MITF: variants seen among roughly 807,000 people sequenced by gnomAD.
MITF encodes the protein melanocyte inducing transcription factor, also known as microphthalmia-associated transcription factor.
MITF carries 17 observed loss-of-function variants against 60.5 expected under a neutral mutation model. The ratio of observed to expected loss-of-function variants is 0.28; its 90% CI spans 0.19 to 0.42. MITF has a LOEUF of 0.42. Among genes scored for constraint, MITF ranks in the 10% least tolerant of loss-of-function variants. The probability of loss-of-function intolerance (pLI) is 1.00; values close to 1 mark genes in which losing one functional copy is unlikely to be tolerated. For synonymous variants in MITF, 260 were observed against 248.5 expected (o/e 1.05, Z -0.43); for missense variants, 622 against 683.5 (o/e 0.91, Z 1.00).
At chr3:69,933,731 T>C (rs1294692808) in intron 2 of MITF, among the ~76,000 whole-genome samples, 2 of 152,230 alleles carry the variant, frequency 1.3e-5, no homozygotes, top group Non-Finnish European at 2.9e-5. Flanking sequence ...TTTTGCTATC[T>C]GAATTTCTTA....
intron 2 of MITF, 142 bp from the exon 3 acceptor site, chr3:69,937,680 C>T (rs1174186683): frequency 2.7e-6 from 2 of 743,272 alleles, no homozygotes; most frequent in Non-Finnish European, 4.8e-6. Context: ...AATCCGTTAG[C>T]ACAGTGCCTG....
Position 69,967,949 on chromosome 3 carries a change from A to T in MITF, c.*2701A>T, listed in dbSNP as rs1185602351. ...AAATACCAAACCTTCTGACTTTGCC[A>T]AAAAGCATACAAGCAACCTGGTCAT... On this transcript the variant is annotated 3_prime_UTR_variant, in exon 10 of 10. Coordinates refer to ENST00000352241, the MANE Select transcript of MITF (RefSeq NM_001354604.2). The T allele has an allele frequency of 4.3e-6, 1 of 233,384 alleles. No individual in the cohort carries two copies. The highest frequency in any genetic ancestry group is 8.5e-6 in the Non-Finnish European group (1 of 117,934). 14.5% of individuals were successfully genotyped at this position (233,384 alleles called of 1,614,324 possible). A position where few individuals can be genotyped will look rare whatever the true frequency, so the allele number is the denominator to read the frequency against.
At chr3:69,964,714 T>C (rs2066639176) in intron 9 of MITF, 133 bp from the exon 10 acceptor site, 1 of 388,040 alleles carries the variant, frequency 2.6e-6, no homozygotes, top group Non-Finnish European at 4.2e-6. Flanking sequence ...TCTGGTATTG[T>C]ACATTTTGTG....
intron 9 of MITF, among the ~76,000 whole-genome samples, chr3:69,961,158 G>T (rs2066533376): frequency 6.6e-6 from 1 of 152,110 alleles, no homozygotes; most frequent in Non-Finnish European, 1.5e-5. Context: ...GCCAAGGCGG[G>T]TGGATCACAA....
chr3:69,956,575 C>A (rs775999305), intron 8 of MITF, 45 bp downstream of exon 8: 2 of 1,496,978 alleles, frequency 1.3e-6, no homozygotes, highest in African/African-American at 2.8e-5. Context: ...TTTTTCGTAC[C>A]TGAATGTTTT....
At chr3:69,830,114 G>A (rs761156551) in intron 1 of MITF, among the ~76,000 whole-genome samples, 2 of 152,184 alleles carry the variant, frequency 1.3e-5, no homozygotes, top group Non-Finnish European at 2.9e-5. Flanking sequence ...TTAGGGCAGT[G>A]TTTTGTGCAG....
chr3:69,919,070 A>G (rs1466387850), intron 2 of MITF, among the ~76,000 whole-genome samples: 1 of 152,214 alleles, frequency 6.6e-6, no homozygotes, highest in Non-Finnish European at 1.5e-5. Flanking sequence ...AAGCATATTC[A>G]GTGGTAAAGG....
At chr3:69,953,820 A>G (rs1159652451) in intron 7 of MITF, among the ~76,000 whole-genome samples, 2 of 151,960 alleles carry the variant, frequency 1.3e-5, no homozygotes, top group East Asian at 3.9e-4. Flanking sequence ...GTTAGGGGTC[A>G]TCTACCATGT....
At chr3:69,876,483 T>A (rs1018621695) in intron 1 of MITF, among the ~76,000 whole-genome samples, 3 of 152,050 alleles carry the variant, frequency 2.0e-5, no homozygotes, top group Non-Finnish European at 4.4e-5. Flanking sequence ...GAAGGTACAT[T>A]TGAGCTTTGA....
At chr3:69,830,905 A>G (rs2063436441) in intron 1 of MITF, among the ~76,000 whole-genome samples, 1 of 151,966 alleles carries the variant, frequency 6.6e-6, no homozygotes, top group African/African-American at 2.4e-5. Flanking sequence ...AAATATTCCC[A>G]TTATCCATTT....
At chr3:69,785,325 A>T (rs2062630997) in intron 1 of MITF, among the ~76,000 whole-genome samples, 1 of 152,096 alleles carries the variant, frequency 6.6e-6, no homozygotes, top group Non-Finnish European at 1.5e-5. Context: ...GCATTTACTG[A>T]TGCTTCCCAT....
At chr3:69,900,268 A>G (rs1455905908) in intron 2 of MITF, among the ~76,000 whole-genome samples, 1 of 152,128 alleles carries the variant, frequency 6.6e-6, no homozygotes, top group Non-Finnish European at 1.5e-5. Flanking sequence ...ACCCTGTTGC[A>G]GCCGGTTTAT....
In MITF at chr3:69,965,315, C is replaced by T. The variant is rs1433489363; in HGVS notation, c.*67C>T. The T allele has an allele frequency of 3.2e-6, 5 of 1,546,650 alleles. No individual in the cohort carries two copies. The highest frequency in any genetic ancestry group is 1.4e-5 in the African/African-American group (1 of 73,316). On this transcript the variant is annotated 3_prime_UTR_variant, in exon 10 of 10. Transcript: ENST00000352241. Reference sequence around the variant, plus strand: ...CTTGATTCGTAGATTTAATAACTTACCTGAAGGGGTTTTCTTGATAATTTT... The same window carrying T: ...CTTGATTCGTAGATTTAATAACTTATCTGAAGGGGTTTTCTTGATAATTTT...
chr3:69,849,720 C>G (rs1358853367), intron 1 of MITF, among the ~76,000 whole-genome samples: 1 of 152,206 alleles, frequency 6.6e-6, no homozygotes, highest in African/African-American at 2.4e-5. Flanking sequence ...AAGTAGGAAA[C>G]TCTTGCCTGG....
intron 1 of MITF, among the ~76,000 whole-genome samples, chr3:69,850,021 C>T (rs945356403): frequency 6.6e-6 from 1 of 152,090 alleles, no homozygotes; most frequent in Admixed American, 6.6e-5. Context: ...GTGTCTATGC[C>T]TGTGTGAATT....
intron 1 of MITF, among the ~76,000 whole-genome samples, chr3:69,840,564 G>C (rs559151375): frequency 6.6e-6 from 1 of 152,102 alleles, no homozygotes; most frequent in Non-Finnish European, 1.5e-5. Flanking sequence ...CCTCCATAAT[G>C]ACTTACCAAA....
chr3:69,895,727 A>G (rs1157203447), intron 2 of MITF, among the ~76,000 whole-genome samples: 3 of 152,000 alleles, frequency 2.0e-5, no homozygotes, highest in Non-Finnish European at 4.4e-5. Context: ...ACTCACTTCT[A>G]TAAATATTTT....
At chr3:69,906,682 G>T (rs1169066177) in intron 2 of MITF, among the ~76,000 whole-genome samples, 1 of 152,050 alleles carries the variant, frequency 6.6e-6, no homozygotes, top group East Asian at 1.9e-4. Flanking sequence ...TATCACTTCG[G>T]AAGTGACTTC....
rs543642061 is a variant in MITF at position 69,952,169 on chromosome 3, A to G, written c.955+283A>G. ...CTCTCTCTCTCTCTCTCTTTTTGGT[A>G]AGAGGGAGAATTGATCCCCAACTAC... is the stretch of plus-strand genomic sequence containing the variant. On this transcript the variant is annotated intron_variant, in intron 7 of 9. Transcript: ENST00000352241. 4.0e-5 allele frequency among the ~76,000 whole-genome samples: 6 copies of G among 151,782 alleles called. No individual in the cohort carries two copies. The East Asian group carries it at 1.2e-3, about 29-fold the overall frequency.
Sources: allele counts gnomAD v4.1 joint callset (sites outside exome capture counted in the v4.1 genomes callset), GRCh38; gene constraint gnomAD v4.1.1; transcripts MANE v1.5; gene names NCBI Gene and HGNC (gene_info 2026-07-23, HGNC 2026-07-21).